Variants in DEUP1 observed in about 807,000 individuals in gnomAD.
DEUP1 encodes coiled-coil domain containing 67.
Under a neutral mutation model 87.4 loss-of-function variants are expected in DEUP1, and 82 were observed. The observed-to-expected ratio is 0.94, with a 90% CI of 0.78 to 1.13. The LOEUF is 1.13. Among genes scored for constraint, DEUP1 ranks in the 50% most tolerant of loss-of-function variants. DEUP1 has a pLI of 0.00. For missense variants in DEUP1, 663 were observed against 681.5 expected, an observed-to-expected ratio of 0.97 and a Z score of 0.30; for synonymous variants, 214 against 222.7, an observed-to-expected ratio of 0.96 and a Z score of 0.35.
At chr11:93,365,782 ACACTTCATGTACCTGTTTTTAC>A (rs1321298185) in intron 5 of DEUP1, among the ~76,000 whole-genome samples, 1 of 152,194 alleles carries the variant, frequency 6.6e-6, no homozygotes, top group African/African-American at 2.4e-5. Context: ...AATTATAAAA[ACACTTCATGTACCTGTTTTTAC>A]TTATAGCCAT....
rs1016445335 is a variant in DEUP1 at position 93,385,207 on chromosome 11, A to G, written c.790-191A>G. On this transcript the variant is annotated intron_variant, in intron 7 of 13. Transcript: ENST00000298050. Reference sequence around the variant, plus strand: ...GCACTCCAGCCTGGGCAACAGAGTGAGACTCCATCTCAGAAAAAAAGAAAA... The same window carrying G: ...GCACTCCAGCCTGGGCAACAGAGTGGGACTCCATCTCAGAAAAAAAGAAAA... Among the ~76,000 whole-genome samples, 3 of 152,108 alleles carry G rather than the reference A, an allele frequency of 2.0e-5. 1 individual carries two copies. The highest frequency in any genetic ancestry group is 4.2e-4 in the South Asian group (2 of 4,786).
At chr11:93,366,321 T>C (rs1565310485) in intron 5 of DEUP1, among the ~76,000 whole-genome samples, 1 of 152,188 alleles carries the variant, frequency 6.6e-6, no homozygotes, top group Non-Finnish European at 1.5e-5. Flanking sequence ...CTCCAACATA[T>C]AGTAATCACT....
intron 2 of DEUP1, among the ~76,000 whole-genome samples, chr11:93,337,216 G>T (rs1465960025): frequency 2.0e-5 from 3 of 152,054 alleles, no homozygotes; most frequent in Admixed American, 6.6e-5. Context: ...CTTTTTGTGT[G>T]CATCTTTCTT....
At chr11:93,418,517 A>C (rs1947731850) in intron 13 of DEUP1, among the ~76,000 whole-genome samples, 1 of 152,004 alleles carries the variant, frequency 6.6e-6, no homozygotes, top group Admixed American at 6.6e-5. Context: ...GCAATCATTA[A>C]AAAGTCAGGA....
At chr11:93,416,327 C>T (rs1591255995) in intron 13 of DEUP1, among the ~76,000 whole-genome samples, 2 of 152,026 alleles carry the variant, frequency 1.3e-5, no homozygotes, top group Middle Eastern at 3.4e-3. Context: ...CAAATAGATG[C>T]AATAAAAAAT....
chr11:93,362,955 C>A (rs1278634644), intron 4 of DEUP1, among the ~76,000 whole-genome samples: 3 of 151,606 alleles, frequency 2.0e-5, no homozygotes, highest in Admixed American at 6.6e-5. Context: ...AAAGTAGACA[C>A]CATTGTTCAT....
chr11:93,354,538 G>A (rs1478762103), intron 2 of DEUP1, among the ~76,000 whole-genome samples: 1 of 152,088 alleles, frequency 6.6e-6, no homozygotes, highest in Non-Finnish European at 1.5e-5. Flanking sequence ...TGCTAATAAG[G>A]ACATACCCGA....
intron 2 of DEUP1, among the ~76,000 whole-genome samples, chr11:93,338,633 G>A: frequency 6.6e-6 from 1 of 151,788 alleles, no homozygotes; most frequent in East Asian, 1.9e-4. Context: ...TTGAACTCCT[G>A]GACTCAAGCA....
chr11:93,351,552 GAA>G (rs1436827269), intron 2 of DEUP1, among the ~76,000 whole-genome samples: 1 of 152,156 alleles, frequency 6.6e-6, no homozygotes, highest in African/African-American at 2.4e-5. Context: ...ATGTTGTCAT[GAA>G]AAAGAAAAAT....
Position 93,370,060 on chromosome 11 carries a change from C to T in DEUP1, c.433-13C>T. The T allele has an allele frequency of 7.1e-7, 1 of 1,398,650 alleles. No individual in the cohort carries two copies. Among genetic ancestry groups the T allele is most frequent in the Non-Finnish European group, 1.0e-6 (1 of 993,292 alleles). 86.6% of individuals were successfully genotyped at this position (1,398,650 alleles called of 1,614,324 possible). On this transcript the variant is annotated splice_polypyrimidine_tract_variant and intron_variant, in intron 5 of 13. Coordinates refer to ENST00000298050, the MANE Select transcript of DEUP1 (RefSeq NM_181645.4). Reference sequence around the variant, plus strand: ...ACATTTTTAAATATGTTTGTCTCCCCACTTTTTAAAAGGAATTTAGAGCAA... The same window carrying T: ...ACATTTTTAAATATGTTTGTCTCCCTACTTTTTAAAAGGAATTTAGAGCAA...
intron 13 of DEUP1, among the ~76,000 whole-genome samples, chr11:93,419,085 T>C (rs901035337): frequency 5.2e-4 from 79 of 151,416 alleles, no homozygotes; most frequent in Non-Finnish European, 5.3e-4. Context: ...TAATGCTAGA[T>C]GACGAGTTAG....
intron 13 of DEUP1, among the ~76,000 whole-genome samples, chr11:93,416,918 A>C (rs1947657268): frequency 6.6e-6 from 1 of 152,234 alleles, no homozygotes; most frequent in Non-Finnish European, 1.5e-5. Context: ...AATGGGACCA[A>C]AGACAAAAAC....
intron 10 of DEUP1, 111 bp from the exon 11 acceptor site, chr11:93,396,128 T>G (rs918996898): frequency 2.9e-6 from 2 of 695,614 alleles, no homozygotes; most frequent in African/African-American, 3.7e-5. Flanking sequence ...ACCGAAGAAG[T>G]GTTTCCCTTC....
At chr11:93,413,242 T>G (rs1234361372) in intron 12 of DEUP1, among the ~76,000 whole-genome samples, 2 of 6,426 alleles carry the variant, frequency 3.1e-4, no homozygotes, top group African/African-American at 1.2e-3. Context: ...TCTTTGATGA[T>G]TTTTTTTTTT....
intron 11 of DEUP1, among the ~76,000 whole-genome samples, chr11:93,396,797 A>T (rs746908854): frequency 6.6e-5 from 10 of 152,164 alleles, no homozygotes; most frequent in Non-Finnish European, 1.3e-4. Flanking sequence ...TTTCACCAGT[A>T]CCTCACATCT....
chr11:93,340,037 TG>T (rs1943981246), intron 2 of DEUP1, among the ~76,000 whole-genome samples: 1 of 152,184 alleles, frequency 6.6e-6, no homozygotes, highest in South Asian at 2.1e-4. Context: ...CCTATTTTTC[TG>T]GAGGTGGGAA....
At chr11:93,338,432 G>C (rs1186680083) in intron 2 of DEUP1, among the ~76,000 whole-genome samples, 1 of 150,130 alleles carries the variant, frequency 6.7e-6, no homozygotes. Context: ...CCTGAGGCAG[G>C]GTCTTGCTCT....
At position 93,371,031 on chromosome 11, in the gene DEUP1, T is replaced by C. The variant is rs776308549; in HGVS notation, c.547-7T>C. Reference sequence around the variant, plus strand: ...CATTTGAGTTACACAGTTTTTATATTTTTCAGAAACAGGCACAAAGTTACC... The same window carrying C: ...CATTTGAGTTACACAGTTTTTATATCTTTCAGAAACAGGCACAAAGTTACC... On this transcript the variant is annotated splice_region_variant and splice_polypyrimidine_tract_variant and intron_variant, in intron 6 of 13. Coordinates refer to ENST00000298050, the MANE Select transcript of DEUP1 (RefSeq NM_181645.4). 1.1e-5 allele frequency: 18 copies of C among 1,604,834 alleles called. No homozygotes were observed. The highest frequency in any genetic ancestry group is 1.4e-5 in the Non-Finnish European group (16 of 1,175,180).
intron 4 of DEUP1, 143 bp downstream of exon 4, chr11:93,357,186 T>G (rs1365706797): frequency 3.5e-6 from 2 of 576,424 alleles, no homozygotes; most frequent in Non-Finnish European, 6.0e-6. Flanking sequence ...TTTCCCTGTT[T>G]TATATGCATT....
Sources: allele counts gnomAD v4.1 joint callset (sites outside exome capture counted in the v4.1 genomes callset), GRCh38; gene constraint gnomAD v4.1.1; transcripts MANE v1.5; gene names NCBI Gene and HGNC (gene_info 2026-07-23, HGNC 2026-07-21).